The following COBLL1 variants were observed in gnomAD, a reference collection of about 807,000 sequenced individuals.
COBLL1 encodes cordon-bleu WH2 repeat protein like 1.
A neutral mutation model predicts 94.8 loss-of-function variants in COBLL1; 50 were observed. The ratio of observed to expected loss-of-function variants is 0.53; its 90% CI spans 0.42 to 0.67. The LOEUF is 0.67. Among genes scored for constraint, COBLL1 ranks in the 30% least tolerant of loss-of-function variants. The pLI, the probability that COBLL1 is intolerant of heterozygous loss-of-function variation, is 0.00. For missense variants in COBLL1, 1,362 were observed against 1,348.7 expected (o/e 1.01, Z -0.15); for synonymous variants, 448 against 473.8 (o/e 0.95, Z 0.71).
chr2:164,713,798 A>ACTT (rs1276431887), intron 7 of COBLL1, among the ~76,000 whole-genome samples: 2 of 152,148 alleles, frequency 1.3e-5, no homozygotes. Context: ...TTGTTATTGT[A>ACTT]CTTTAAGTTT....
rs1015406092 is a variant in COBLL1 at position 164,699,492 on chromosome 2, G to A, written c.1468C>T (p.His490Tyr). 2 of 1,603,286 alleles carry A rather than the reference G, an allele frequency of 1.2e-6. No individual in the cohort carries two copies. Among genetic ancestry groups the A allele is most frequent in the African/African-American group, 2.7e-5 (2 of 74,724 alleles). The part of the protein sequence containing the change: ...ETKSTDGQEP[H>Y]SVVYDTSNGK... ...TTGCTTGTATCATATACTACACTGT[G>A]TGGTTCTCTGGAAGATACGACATTG... Residue 490 changes from histidine to tyrosine, a missense_variant, in exon 11 of 14, where the codon CAC becomes TAC. His to Tyr is a moderately conservative substitution (Grantham distance 83, BLOSUM62 2). Transcript: ENST00000652658.
At chr2:164,712,899 T>C (rs1316872661) in intron 7 of COBLL1, among the ~76,000 whole-genome samples, 2 of 152,164 alleles carry the variant, frequency 1.3e-5, no homozygotes, top group Admixed American at 1.3e-4. Context: ...TGTCCACTGT[T>C]ATATGTGTAT....
intron 2 of COBLL1, among the ~76,000 whole-genome samples, chr2:164,817,373 A>AAG (rs1198165116): frequency 6.6e-6 from 1 of 151,276 alleles, no homozygotes; most frequent in African/African-American, 2.4e-5. Flanking sequence ...AAAAAAAAAA[A>AAG]AAAAAGAAGA....
chr2:164,745,570 C>T (rs889138122), intron 2 of COBLL1, among the ~76,000 whole-genome samples: 6 of 152,240 alleles, frequency 3.9e-5, no homozygotes, highest in African/African-American at 9.6e-5. Flanking sequence ...AAGGGTTCAT[C>T]GCCCCAAAGG....
At chr2:164,709,135 G>A (rs866668696) in intron 7 of COBLL1, among the ~76,000 whole-genome samples, 3 of 152,140 alleles carry the variant, frequency 2.0e-5, no homozygotes, top group African/African-American at 4.8e-5. Context: ...CTTAAAATAA[G>A]CTAGCTTTTT....
intron 2 of COBLL1, among the ~76,000 whole-genome samples, chr2:164,745,196 A>G (rs1259950596): frequency 6.6e-6 from 1 of 152,040 alleles, no homozygotes; most frequent in Non-Finnish European, 1.5e-5. Context: ...CACAACTCCA[A>G]CTCCTTTAAC....
chr2:164,764,252 T>G (rs1161451718), intron 2 of COBLL1, among the ~76,000 whole-genome samples: 4 of 152,162 alleles, frequency 2.6e-5, no homozygotes, highest in Non-Finnish European at 5.9e-5. Context: ...ACAAAAACAC[T>G]AAAAATTTTA....
intron 5 of COBLL1, chr2:164,723,371 T>C (rs1685552462): frequency 6.6e-6 from 1 of 152,196 alleles, no homozygotes; most frequent in African/African-American, 2.4e-5. Flanking sequence ...CAGCCAGTAG[T>C]GCTGAGCCTC....
chr2:164,801,737 T>C (rs914545309), intron 2 of COBLL1, among the ~76,000 whole-genome samples: 8 of 152,184 alleles, frequency 5.3e-5, no homozygotes, highest in African/African-American at 1.9e-4. Flanking sequence ...GCCACACAGT[T>C]TTCTATTTGT....
intron 2 of COBLL1, among the ~76,000 whole-genome samples, chr2:164,761,053 G>C (rs1400414197): frequency 6.6e-6 from 1 of 152,092 alleles, no homozygotes; most frequent in Non-Finnish European, 1.5e-5. Context: ...TTATATAACT[G>C]AGTCAAGAAG....
intron 2 of COBLL1, among the ~76,000 whole-genome samples, chr2:164,805,331 C>A (rs2969610): frequency 0.25 from 4,907 of 19,564 alleles, 579 homozygotes; most frequent in African/African-American, 0.37. Flanking sequence ...CTCTCTCTCT[C>A]TCTCTCTATA....
chr2:164,695,301 A>C lies in COBLL1; in HGVS notation c.2091T>G (p.Thr697=), dbSNP rs1683869791. The C allele has an allele frequency of 6.2e-7, 1 of 1,613,812 alleles. No individual in the cohort carries two copies. The highest frequency in any genetic ancestry group is 1.7e-5 in the Admixed American group (1 of 59,966). ...GTGGGTAATTCTTTAGGTAAGAAGC[A>C]GTGGAATTTTTGTCAATCCTATCTA... ...PPVDRIDKNS[T]ASYLKNYPLY... is the part of the protein sequence containing the mutation. The change falls in exon 12 of 14, where the codon ACT becomes ACG. Residue 697 remains threonine, a synonymous_variant. Transcript: ENST00000652658.
At chr2:164,720,841 C>T (rs1261229779) in intron 7 of COBLL1, among the ~76,000 whole-genome samples, 1 of 152,148 alleles carries the variant, frequency 6.6e-6, no homozygotes, top group Non-Finnish European at 1.5e-5. Flanking sequence ...AACTCTCAAG[C>T]AGTTACCCTG....
intron 3 of COBLL1, among the ~76,000 whole-genome samples, chr2:164,730,593 T>G (rs193208149): frequency 6.6e-6 from 1 of 152,102 alleles, no homozygotes; most frequent in Non-Finnish European, 1.5e-5. Flanking sequence ...AAAATTGTAA[T>G]AGTTAAAAAG....
intron 2 of COBLL1, among the ~76,000 whole-genome samples, chr2:164,804,119 A>G (rs1278224181): frequency 2.0e-5 from 3 of 152,030 alleles, no homozygotes; most frequent in Middle Eastern, 3.4e-3. Flanking sequence ...GCAAAAAAAA[A>G]AAAAAAAGGA....
chr2:164,668,140 T>G (rs1691192597), intron 1 of COBLL1, among the ~76,000 whole-genome samples: 3 of 152,122 alleles, frequency 2.0e-5, no homozygotes, highest in Non-Finnish European at 1.5e-5. Flanking sequence ...ACTTTTGTAT[T>G]TTTTGTAGAG....
intron 3 of COBLL1, 70 bp from the exon 4 acceptor site, chr2:164,730,185 G>C: frequency 7.8e-7 from 1 of 1,289,134 alleles, no homozygotes; most frequent in Non-Finnish European, 1.1e-6. Flanking sequence ...GTCTTCAATA[G>C]ATAAACAAGT....
chr2:164,790,363 C>T (rs1038714793), intron 2 of COBLL1, among the ~76,000 whole-genome samples: 11 of 152,090 alleles, frequency 7.2e-5, no homozygotes, highest in East Asian at 1.9e-4. Context: ...TGACCCTAAA[C>T]GGGAATAAAT....
At chr2:164,839,926 G>A (rs779437106) in intron 2 of COBLL1, among the ~76,000 whole-genome samples, 59 of 152,216 alleles carry the variant, frequency 3.9e-4, no homozygotes, top group Non-Finnish European at 7.4e-4. Flanking sequence ...AAGTTAATTT[G>A]AGCAAAATGA....
Sources: gnomAD v4.1 joint callset for allele counts (sites outside exome capture counted in the v4.1 genomes callset) on GRCh38, gnomAD v4.1.1 for gene constraint, MANE v1.5 for transcripts, NCBI Gene and HGNC (gene_info 2026-07-23, HGNC 2026-07-21) for gene names.